SOX5: variants seen among roughly 807,000 people sequenced by gnomAD.
The protein encoded by SOX5 is SRY-box transcription factor 5.
SOX5 carries 9 observed loss-of-function variants against 92.0 expected under a neutral mutation model. The observed-to-expected ratio is 0.10, with a 90% confidence interval of 0.06 to 0.17. The LOEUF (loss-of-function observed/expected upper bound fraction) is 0.17, where lower values mean the gene tolerates loss of function less well. Among genes scored for constraint, SOX5 ranks in the 10% least tolerant of loss-of-function variants. The probability of loss-of-function intolerance (pLI) is 1.00; values close to 1 mark genes in which losing one functional copy is unlikely to be tolerated. For missense variants in SOX5, 642 were observed against 944.5 expected (o/e 0.68, Z 4.20); for synonymous variants, 344 against 336.3 (o/e 1.02, Z -0.25).
At chr12:23,843,608 G>T (rs961832904) in intron 3 of SOX5, among the ~76,000 whole-genome samples, 1 of 112,250 alleles carries the variant, frequency 8.9e-6, no homozygotes, top group African/African-American at 3.6e-5. Context: ...CTGTTGCCCA[G>T]GCTGGTGTGC....
At chr12:23,734,843 C>T (rs2093528145) in intron 5 of SOX5, 91 bp from the exon 6 acceptor site, 1 of 958,792 alleles carries the variant, frequency 1.0e-6, no homozygotes, top group Non-Finnish European at 1.6e-6. Context: ...TTTGATTTGA[C>T]ACTGATTAAG....
At chr12:24,342,581 C>T (rs78592956) in intron 2 of SOX5, among the ~76,000 whole-genome samples, 9 of 152,162 alleles carry the variant, frequency 5.9e-5, no homozygotes, top group South Asian at 2.1e-4. Context: ...GCCACTAATT[C>T]GTATAAATCA....
chr12:23,898,910 A>G (rs1298092598), intron 1 of SOX5, among the ~76,000 whole-genome samples: 2 of 152,246 alleles, frequency 1.3e-5, no homozygotes, highest in Admixed American at 6.5e-5. Flanking sequence ...TTATACTTCA[A>G]TAATAGGCTA....
chr12:24,480,870 A>G (rs1398167877), intron 1 of SOX5, among the ~76,000 whole-genome samples: 2 of 152,178 alleles, frequency 1.3e-5, no homozygotes, highest in African/African-American at 4.8e-5. Flanking sequence ...AACTAAAAAT[A>G]GAGCTAGCAT....
chr12:24,158,738 T>C (rs1952452866), intron 4 of SOX5, among the ~76,000 whole-genome samples: 1 of 152,036 alleles, frequency 6.6e-6, no homozygotes, highest in East Asian at 1.9e-4. Context: ...TGAAGGCCTA[T>C]GTGATTTTAG....
chr12:23,793,249 T>C (rs1034036374), intron 3 of SOX5, among the ~76,000 whole-genome samples: 6 of 152,268 alleles, frequency 3.9e-5, no homozygotes, highest in Admixed American at 3.9e-4. Context: ...AGTAAAAAAA[T>C]TGGTAGTTAC....
At chr12:23,647,712 C>T (rs146088990) in intron 7 of SOX5, among the ~76,000 whole-genome samples, 151 of 152,284 alleles carry the variant, frequency 9.9e-4, no homozygotes, top group Admixed American at 4.9e-3. Flanking sequence ...CCAACCTCCC[C>T]AACACCAAAC....
intron 3 of SOX5, among the ~76,000 whole-genome samples, chr12:23,791,118 G>A (rs981007136): frequency 2.0e-5 from 3 of 152,090 alleles, no homozygotes; most frequent in African/African-American, 7.2e-5. Flanking sequence ...TTACACAGAG[G>A]CAGCTTTTCT....
intron 9 of SOX5, among the ~76,000 whole-genome samples, chr12:23,594,039 GCTGA>G (rs1319787515): frequency 2.6e-5 from 4 of 152,126 alleles, no homozygotes; most frequent in Admixed American, 6.5e-5. Flanking sequence ...AGTTTTTTAA[GCTGA>G]CTATTTTAAA....
chr12:24,029,708 A>G (rs542009872), intron 4 of SOX5, among the ~76,000 whole-genome samples: 2 of 152,066 alleles, frequency 1.3e-5, no homozygotes, highest in Non-Finnish European at 2.9e-5. Flanking sequence ...TTCTTATTTT[A>G]CTTTTAAGTC....
intron 3 of SOX5, among the ~76,000 whole-genome samples, chr12:23,757,093 G>T (rs973109951): frequency 6.6e-6 from 1 of 151,806 alleles, no homozygotes; most frequent in South Asian, 2.1e-4. Context: ...ATGGTGAAAA[G>T]CTCTGAATGA....
chr12:23,635,141 A>G (rs10771012), intron 8 of SOX5, among the ~76,000 whole-genome samples: 57,018 of 151,932 alleles, frequency 0.38, 11,368 homozygotes, highest in Middle Eastern at 0.46. Flanking sequence ...CTTAAGACCA[A>G]TGAAGTCTTC....
chr12:23,775,363 C>T (rs901807318), intron 3 of SOX5, among the ~76,000 whole-genome samples: 10 of 152,244 alleles, frequency 6.6e-5, no homozygotes, highest in African/African-American at 2.2e-4. Flanking sequence ...AGTCATTTCT[C>T]AAGGACATAT....
chr12:24,189,361 C>G (rs1407389875), intron 4 of SOX5, among the ~76,000 whole-genome samples: 1 of 152,178 alleles, frequency 6.6e-6, no homozygotes, highest in Non-Finnish European at 1.5e-5. Context: ...AATAAGAGGG[C>G]TCTTTCTCAT....
chr12:23,576,345 G>T (rs1370406438), intron 9 of SOX5, among the ~76,000 whole-genome samples: 2 of 152,036 alleles, frequency 1.3e-5, no homozygotes, highest in Admixed American at 6.6e-5. Flanking sequence ...GCACACACAA[G>T]AAAATTTCTA....
At position 24,102,956 on chromosome 12, in the gene SOX5, T is replaced by C. The variant is rs894853613; in HGVS notation, c.-2+110387A>G. On this transcript the variant is annotated intron_variant, in intron 4 of 4. Transcript: ENST00000446891. ...AAAAGAAAGGGCGTGAAAATTACAA[T>C]GACAAGGTTGCCTTAGCAGTTTTGA... Among the ~76,000 whole-genome samples the C allele has an allele frequency of 1.7e-4, 26 of 152,194 alleles. 1 individual carries two copies. The highest frequency in any genetic ancestry group is 6.3e-4 in the African/African-American group (26 of 41,442).
intron 1 of SOX5, among the ~76,000 whole-genome samples, chr12:24,377,894 CA>C (rs1957448436): frequency 6.6e-6 from 1 of 152,154 alleles, no homozygotes; most frequent in African/African-American, 2.4e-5. Flanking sequence ...TTTGGAAAAT[CA>C]GAAGGTCAAA....
At chr12:23,959,899 A>G (rs1296530089) in intron 4 of SOX5, among the ~76,000 whole-genome samples, 1 of 152,184 alleles carries the variant, frequency 6.6e-6, no homozygotes, top group Non-Finnish European at 1.5e-5. Context: ...GTATTAGACT[A>G]TATCATTCAT....
chr12:23,876,895 C>G (rs1452469701), intron 2 of SOX5, among the ~76,000 whole-genome samples: 1 of 152,050 alleles, frequency 6.6e-6, no homozygotes, highest in East Asian at 1.9e-4. Flanking sequence ...AACACAGAAA[C>G]AGAAAACCAA....
Sources: gnomAD v4.1 joint callset for allele counts (sites outside exome capture counted in the v4.1 genomes callset) on GRCh38, gnomAD v4.1.1 for gene constraint, MANE v1.5 for transcripts, NCBI Gene and HGNC (gene_info 2026-07-23, HGNC 2026-07-21) for gene names.